The following SP2 variants were observed in gnomAD, a reference collection of about 807,000 sequenced individuals.
SP2 encodes transcription factor Sp2.
Under a neutral mutation model 50.1 loss-of-function variants are expected in SP2, and 9 were observed. The observed-to-expected ratio is 0.18, with a 90% confidence interval of 0.11 to 0.31. The LOEUF (loss-of-function observed/expected upper bound fraction) is 0.31. Ranked by LOEUF, SP2 falls within the 10% of genes least tolerant of loss-of-function variation. SP2 has a pLI of 1.00. For synonymous variants in SP2, 313 were observed against 326.6 expected, an observed-to-expected ratio of 0.96 and a Z score of 0.45; for missense variants, 581 against 806.5, an observed-to-expected ratio of 0.72 and a Z score of 3.39.
At position 47,925,035 on chromosome 17, in the gene SP2, G is replaced by A. The variant is rs143694248; in HGVS notation, c.1489G>A (p.Gly497Arg). 2.3e-4 allele frequency: 374 copies of A among 1,613,962 alleles called. No individual in the cohort carries two copies. The highest frequency in any genetic ancestry group is 2.6e-4 in the Non-Finnish European group (304 of 1,179,960). The change falls in exon 5 of 7, where the codon GGG (glycine) becomes AGG (arginine). Residue 497 changes from glycine to arginine, a missense_variant. Gly to Arg is a moderately radical substitution (Grantham distance 125). This residue lies in a region of SP2 where 184 missense variants were observed against 315.5 expected (regional missense o/e 0.58). Transcript: ENST00000376741. ...EQALAGETQP[G>R]EKRRRMACTC... ...AGCCCTGGCCGGAGAGACCCAGCCCGGGGAGAAGCGGCGCCGCATGGCCTG... is the reference window on the plus strand; with the variant it reads ...AGCCCTGGCCGGAGAGACCCAGCCCAGGGAGAAGCGGCGCCGCATGGCCTG...
intron 1 of SP2, among the ~76,000 whole-genome samples, chr17:47,901,817 C>T (rs2034553925): frequency 6.6e-6 from 1 of 152,126 alleles, no homozygotes; most frequent in Non-Finnish European, 1.5e-5. Flanking sequence ...TCGCTTTAGG[C>T]CCTCCTGCTC....
At chr17:47,911,410 T>C (rs948007101) in intron 1 of SP2, among the ~76,000 whole-genome samples, 2 of 148,322 alleles carry the variant, frequency 1.3e-5, no homozygotes, top group African/African-American at 5.0e-5. Context: ...CCGGATGTAG[T>C]GGTGGGTGCC....
In SP2 at chr17:47,925,607, C is replaced by A. The variant is rs1038507929; in HGVS notation, c.1741+66C>A. 10 of 1,320,274 alleles carry A rather than the reference C, an allele frequency of 7.6e-6. No homozygotes were observed. In the African/African-American group the frequency reaches 1.4e-4, roughly 19 times the overall value. The allele number at this position is 1,320,274 out of a possible 1,614,324, so 81.8% of individuals were successfully genotyped here. A position where few individuals can be genotyped will look rare whatever the true frequency, so the allele number is the denominator to read the frequency against. ...AAATTCCTGCCTCTCCTCCCACCCC[C>A]ACTCTACCGGCTTTAGCAACATTGA... is the stretch of plus-strand genomic sequence containing the variant. On this transcript the variant is annotated intron_variant, in intron 6 of 6. Transcript: ENST00000376741.
Position 47,927,902 on chromosome 17 carries a change from T to C in SP2, c.*78T>C, listed in dbSNP as rs2035713880. On this transcript the variant is annotated 3_prime_UTR_variant, in exon 7 of 7. Transcript: ENST00000376741. ...CTGGGCCCCTGGTGGAAAGGAGCCC[T>C]GTGGCTGCCTTGGGCCTGCCCTCAG... 2.3e-6 allele frequency: 2 copies of C among 878,014 alleles called. No individual in the cohort carries two copies. Among genetic ancestry groups the C allele is most frequent in the East Asian group, 5.3e-5 (2 of 37,812 alleles). 54.4% of individuals were successfully genotyped at this position (878,014 alleles called of 1,614,324 possible). A position where few individuals can be genotyped will look rare whatever the true frequency, so the allele number is the denominator to read the frequency against.
At chr17:47,921,938 TTATA>T in intron 3 of SP2, among the ~76,000 whole-genome samples, 1 of 152,304 alleles carries the variant, frequency 6.6e-6, no homozygotes, top group East Asian at 1.9e-4. Flanking sequence ...GTAGATAAAC[TTATA>T]TAAGGACACA....
At chr17:47,906,032 G>A (rs1272195383) in intron 1 of SP2, among the ~76,000 whole-genome samples, 1 of 152,244 alleles carries the variant, frequency 6.6e-6, no homozygotes, top group Non-Finnish European at 1.5e-5. Flanking sequence ...TATCACAAGA[G>A]CATCAGGGAA....
At chr17:47,904,344 G>A (rs1050380143) in intron 1 of SP2, among the ~76,000 whole-genome samples, 10 of 151,868 alleles carry the variant, frequency 6.6e-5, no homozygotes, top group South Asian at 2.1e-4. Flanking sequence ...AACAGTTTTC[G>A]TGGCATGCAT....
At chr17:47,909,627 G>A in intron 1 of SP2, 3 of 813,338 alleles carry the variant, frequency 3.7e-6, no homozygotes, top group Non-Finnish European at 4.5e-6. Context: ...GAGCCTCACA[G>A]AAATCCTAGA....
In SP2 at chr17:47,925,387, C is replaced by T; in HGVS notation, c.1587C>T (p.Ile529=). The change falls in exon 6 of 7, where the codon ATC becomes ATT. Residue 529 remains isoleucine, a synonymous_variant. Transcript: ENST00000376741. ...EQGKKKHVCH[I]PDCGKTFRKT... Reference sequence around the variant, plus strand: ...GCAAGAAGAAGCACGTGTGCCACATCCCCGACTGTGGCAAGACGTTCCGTA... The same window carrying T: ...GCAAGAAGAAGCACGTGTGCCACATTCCCGACTGTGGCAAGACGTTCCGTA... The T allele has an allele frequency of 6.2e-7, 1 of 1,614,152 alleles. No homozygotes were observed. Among genetic ancestry groups the T allele is most frequent in the Non-Finnish European group, 8.5e-7 (1 of 1,180,010 alleles).
At chr17:47,905,624 G>C (rs2034727040) in intron 1 of SP2, among the ~76,000 whole-genome samples, 1 of 152,200 alleles carries the variant, frequency 6.6e-6, no homozygotes, top group South Asian at 2.1e-4. Context: ...CTGCAGCCTG[G>C]TGGCCAGGGC....
chr17:47,902,935 T>C (rs1334681745), intron 1 of SP2, among the ~76,000 whole-genome samples: 2 of 152,178 alleles, frequency 1.3e-5, no homozygotes, highest in Non-Finnish European at 2.9e-5. Flanking sequence ...TTTGTATTTT[T>C]AGTAGAGACG....
intron 1 of SP2, among the ~76,000 whole-genome samples, chr17:47,903,567 T>C (rs1025111644): frequency 2.0e-5 from 3 of 152,040 alleles, no homozygotes; most frequent in Admixed American, 2.0e-4. Context: ...CCTGGGAGGC[T>C]GAGGCAGCAG....
chr17:47,905,321 C>T (rs926604880), intron 1 of SP2, among the ~76,000 whole-genome samples: 2 of 152,188 alleles, frequency 1.3e-5, no homozygotes, highest in African/African-American at 2.4e-5. Flanking sequence ...TGTTGGCTTA[C>T]GGCCCAGCTG....
At chr17:47,926,911 C>G (rs1309415984) in intron 6 of SP2, among the ~76,000 whole-genome samples, 2 of 152,236 alleles carry the variant, frequency 1.3e-5, no homozygotes, top group Admixed American at 6.5e-5. Context: ...AAGCGTGACC[C>G]AGAGCTCCGG....
intron 5 of SP2, 67 bp downstream of exon 5, chr17:47,925,160 G>T (rs2035597844): frequency 3.9e-6 from 6 of 1,521,732 alleles, no homozygotes; most frequent in South Asian, 1.3e-5. Context: ...CTGGACAGTT[G>T]TCCAGAGCTG....
At position 47,923,281 on chromosome 17, in the gene SP2, A is replaced by G; in HGVS notation, c.1372+7A>G. Reference sequence around the variant, plus strand: ...ACCATCACCAACACAGGCGGTGAGGATGGCCCCTGTGGCCAGGGTGTTGGC... The same window carrying G: ...ACCATCACCAACACAGGCGGTGAGGGTGGCCCCTGTGGCCAGGGTGTTGGC... On this transcript the variant is annotated splice_region_variant and intron_variant, in intron 4 of 6. Transcript: ENST00000376741. The G allele has an allele frequency of 6.3e-7, 1 of 1,594,748 alleles. No homozygotes were observed. Among genetic ancestry groups the G allele is most frequent in the Non-Finnish European group, 8.5e-7 (1 of 1,174,772 alleles).
At chr17:47,901,420 C>T (rs994956619) in intron 1 of SP2, among the ~76,000 whole-genome samples, 2 of 151,764 alleles carry the variant, frequency 1.3e-5, no homozygotes, top group Non-Finnish European at 2.9e-5. Context: ...GCTAGGATTA[C>T]AGGCGTGAGC....
At chr17:47,912,362 C>G (rs1402722752) in intron 1 of SP2, among the ~76,000 whole-genome samples, 1 of 152,076 alleles carries the variant, frequency 6.6e-6, no homozygotes, top group Non-Finnish European at 1.5e-5. Flanking sequence ...GTGTGGACTT[C>G]AGGCCTGGTA....
rs111266162 is a variant in SP2 at position 47,924,837 on chromosome 17, T to C, written c.1373-82T>C. 267 of 1,285,790 alleles carry C rather than the reference T, an allele frequency of 2.1e-4. 1 individual carries two copies. In the African/African-American group the frequency reaches 3.9e-3, roughly 19 times the overall value. 79.6% of individuals were successfully genotyped at this position (1,285,790 alleles called of 1,614,324 possible). On this transcript the variant is annotated intron_variant, in intron 4 of 6. Transcript: ENST00000376741. ...AAATAGCTGCTGTGATTATCATCTT[T>C]GTCATGTGCAGAAGGGCAGAAGGGT... is the stretch of plus-strand genomic sequence containing the variant.
Sources: gnomAD v4.1 joint callset for allele counts (sites outside exome capture counted in the v4.1 genomes callset) on GRCh38, gnomAD v4.1.1 for gene constraint, gnomAD v4.1.1 regional missense constraint, MANE v1.5 for transcripts, NCBI Gene and HGNC (gene_info 2026-07-23, HGNC 2026-07-21) for gene names.